The following FGF7 variants were observed in gnomAD, a reference collection of about 807,000 sequenced individuals.
FGF7 encodes the protein fibroblast growth factor 7, also known as FGF-7.
A neutral mutation model predicts 20.5 loss-of-function variants in FGF7; 6 were observed. The observed-to-expected ratio is 0.29, with a 90% CI of 0.16 to 0.58. The LOEUF (loss-of-function observed/expected upper bound fraction) is 0.58, where lower values mean the gene tolerates loss of function less well. Ranked by LOEUF, FGF7 falls within the 20% of genes least tolerant of loss-of-function variation. The pLI is 0.90. For synonymous variants in FGF7, 64 were observed against 74.7 expected, an observed-to-expected ratio of 0.86 and a Z score of 0.74; for missense variants, 144 against 228.8, an observed-to-expected ratio of 0.63 and a Z score of 2.39.
intron 2 of FGF7, among the ~76,000 whole-genome samples, chr15:49,457,271 G>A (rs1056652128): frequency 1.3e-5 from 2 of 151,968 alleles, no homozygotes; most frequent in African/African-American, 4.8e-5. Flanking sequence ...TCCAAATGCG[G>A]TAACAACGGT....
intron 2 of FGF7, among the ~76,000 whole-genome samples, chr15:49,437,128 G>A (rs2151817175): frequency 6.6e-6 from 1 of 151,542 alleles, no homozygotes; most frequent in East Asian, 2.0e-4. Context: ...CTGGAAAATT[G>A]TTATAGAATG....
Position 49,486,381 on chromosome 15 carries a change from G to A in FGF7, c.*1877G>A, listed in dbSNP as rs984922333. 1 of 151,946 alleles carries A rather than the reference G, an allele frequency of 6.6e-6. No homozygotes were observed. Among genetic ancestry groups the A allele is most frequent in the African/African-American group, 2.4e-5 (1 of 41,394 alleles). 9.4% of individuals were successfully genotyped at this position (151,946 alleles called of 1,614,324 possible). The stretch of plus-strand genomic sequence containing the variant: ...CCTGATTCAAGGACTTTGCTAGCTA[G>A]GTTTTGAGGTCAGGCTTCAGTAACT... On this transcript the variant is annotated 3_prime_UTR_variant, in exon 4 of 4. Transcript: ENST00000267843.
At position 49,485,398 on chromosome 15, in the gene FGF7, A is replaced by G. The variant is rs2056320468; in HGVS notation, c.*894A>G. On this transcript the variant is annotated 3_prime_UTR_variant, in exon 4 of 4. Coordinates refer to ENST00000267843, the MANE Select transcript of FGF7 (RefSeq NM_002009.4). ...CCACAAATAATCATGCTTTTTTCCT[A>G]TGGTTACAGCATTAAACTCTATTTT... is the stretch of plus-strand genomic sequence containing the variant. 1 of 152,158 alleles carries G rather than the reference A, an allele frequency of 6.6e-6. No homozygotes were observed. Among genetic ancestry groups the G allele is most frequent in the South Asian group, 2.1e-4 (1 of 4,820 alleles). 9.4% of individuals were successfully genotyped at this position (152,158 alleles called of 1,614,324 possible).
Position 49,459,723 on chromosome 15 carries a change from G to A in FGF7, c.287-23428G>A, listed in dbSNP as rs547849777. 1.4e-4 allele frequency among the ~76,000 whole-genome samples: 21 copies of A among 152,214 alleles called. 1 individual carries two copies. The South Asian group carries it at 3.1e-3, about 23-fold the overall frequency. ...TACACATTTTCAGGGGCCAAAACCA[G>A]GCTATAGTTCATGACATAAGCTGTG... On this transcript the variant is annotated intron_variant, in intron 2 of 3. Transcript: ENST00000267843.
At chr15:49,450,978 C>T (rs2052670416) in intron 2 of FGF7, among the ~76,000 whole-genome samples, 1 of 152,050 alleles carries the variant, frequency 6.6e-6, no homozygotes, top group African/African-American at 2.4e-5. Flanking sequence ...AAATATATTT[C>T]CCTGGTCAGT....
intron 2 of FGF7, among the ~76,000 whole-genome samples, chr15:49,436,941 A>AG (rs1399619266): frequency 6.6e-6 from 1 of 151,632 alleles, no homozygotes; most frequent in Non-Finnish European, 1.5e-5. Flanking sequence ...TTAAATAAAA[A>AG]CTTACTCCAA....
chr15:49,465,161 G>A (rs778047603), intron 2 of FGF7, among the ~76,000 whole-genome samples: 21 of 151,874 alleles, frequency 1.4e-4, no homozygotes, highest in African/African-American at 2.2e-4. Flanking sequence ...ATGGAGTCTC[G>A]CACTGTTGCT....
intron 2 of FGF7, among the ~76,000 whole-genome samples, chr15:49,478,859 T>C (rs1209359297): frequency 6.6e-6 from 1 of 152,118 alleles, no homozygotes; most frequent in Non-Finnish European, 1.5e-5. Context: ...TTAAAGCACT[T>C]TAAAATCACA....
At chr15:49,450,464 G>C (rs2052621467) in intron 2 of FGF7, among the ~76,000 whole-genome samples, 1 of 151,956 alleles carries the variant, frequency 6.6e-6, no homozygotes. Flanking sequence ...CTCTTAGCCA[G>C]CTACACCATT....
intron 2 of FGF7, among the ~76,000 whole-genome samples, chr15:49,468,623 T>C (rs549320450): frequency 3.9e-5 from 6 of 152,298 alleles, no homozygotes; most frequent in African/African-American, 1.2e-4. Context: ...AGGTTCTGTA[T>C]CCAGCCTGCT....
rs576811666 is a variant in FGF7, at chr15:49,486,692, T to C, written c.*2188T>C. On this transcript the variant is annotated 3_prime_UTR_variant, in exon 4 of 4. Transcript: ENST00000267843. The stretch of plus-strand genomic sequence containing the variant: ...ATACTTCCATCAAATTACATAGCAA[T>C]GCTGAATTAGGCAAAACCAACATTT... 13 of 152,138 alleles carry C rather than the reference T, an allele frequency of 8.5e-5. No homozygotes were observed. The highest frequency in any genetic ancestry group is 1.9e-4 in the Non-Finnish European group (13 of 67,918). 9.4% of individuals were successfully genotyped at this position (152,138 alleles called of 1,614,324 possible).
intron 2 of FGF7, among the ~76,000 whole-genome samples, chr15:49,466,863 C>G (rs2054310223): frequency 6.6e-6 from 1 of 152,110 alleles, no homozygotes; most frequent in Non-Finnish European, 1.5e-5. Context: ...CTTTCACTTT[C>G]ATTTCTGTGA....
chr15:49,444,283 C>T (rs1188993083), intron 2 of FGF7, among the ~76,000 whole-genome samples: 18 of 151,558 alleles, frequency 1.2e-4, no homozygotes, highest in Non-Finnish European at 4.4e-5. Flanking sequence ...CTATTTAGCC[C>T]AGTGTTTCTT....
chr15:49,474,502 A>C (rs2055063592), intron 2 of FGF7, among the ~76,000 whole-genome samples: 1 of 152,230 alleles, frequency 6.6e-6, no homozygotes, highest in South Asian at 2.1e-4. Flanking sequence ...AGACAGGTAA[A>C]TCAATGGGAC....
At chr15:49,472,020 GAA>G (rs35262082) in intron 2 of FGF7, among the ~76,000 whole-genome samples, 37,839 of 144,024 alleles carry the variant, frequency 0.26, 5,612 homozygotes, top group Non-Finnish European at 0.35. Flanking sequence ...CTTTAGAAGT[GAA>G]AAAAAAAAAA....
intron 2 of FGF7, among the ~76,000 whole-genome samples, chr15:49,465,380 C>T (rs1205143723): frequency 1.3e-5 from 2 of 151,666 alleles, no homozygotes; most frequent in Non-Finnish European, 2.9e-5. Context: ...AAGTGATCTG[C>T]CCACCTCGGC....
chr15:49,432,431 A>G (rs1172334343), intron 2 of FGF7, among the ~76,000 whole-genome samples: 1 of 151,680 alleles, frequency 6.6e-6, no homozygotes, highest in East Asian at 1.9e-4. Flanking sequence ...TACTAATGAG[A>G]ATTTTTAAAA....
At chr15:49,465,284 C>T (rs1049166077) in intron 2 of FGF7, among the ~76,000 whole-genome samples, 1 of 150,868 alleles carries the variant, frequency 6.6e-6, no homozygotes, top group Non-Finnish European at 1.5e-5. Context: ...CACCTGCCAC[C>T]ATGTCTGGCT....
Position 49,449,024 on chromosome 15 carries a change from T to C in FGF7, c.286+24441T>C, listed in dbSNP as rs765584926. On this transcript the variant is annotated intron_variant, in intron 2 of 3. Coordinates refer to ENST00000267843, the MANE Select transcript of FGF7 (RefSeq NM_002009.4). ...AACACTTTCATAGGAGAAATAACATTCTTTTCTGTCTGCACTCATCCCCTT... is the reference window on the plus strand; with the variant it reads ...AACACTTTCATAGGAGAAATAACATCCTTTTCTGTCTGCACTCATCCCCTT... Among the ~76,000 whole-genome samples, 6 of 151,878 alleles carry C rather than the reference T, an allele frequency of 4.0e-5. No individual in the cohort carries two copies. In the Admixed American group the frequency reaches 4.0e-4, roughly 10 times the overall value.
Sources: gnomAD v4.1 joint callset for allele counts (sites outside exome capture counted in the v4.1 genomes callset) on GRCh38, gnomAD v4.1.1 for gene constraint, MANE v1.5 for transcripts, NCBI Gene and HGNC (gene_info 2026-07-23, HGNC 2026-07-21) for gene names.